METTL15: variants seen among roughly 807,000 people sequenced by gnomAD.
METTL15 encodes methyltransferase 15, mitochondrial 12S rRNA N4-cytidine.
Under a neutral mutation model 38.3 loss-of-function variants are expected in METTL15, and 34 were observed. The observed-to-expected ratio is 0.89, with a 90% CI of 0.68 to 1.18. The LOEUF (loss-of-function observed/expected upper bound fraction) is 1.18. Ranked by LOEUF, METTL15 falls within the 50% of genes most tolerant of loss-of-function variation. The pLI is 0.00. For missense variants in METTL15, 438 were observed against 498.4 expected (o/e 0.88, Z 1.15); for synonymous variants, 162 against 170.9 (o/e 0.95, Z 0.41).
At chr11:28,317,574 C>T (rs1452106658) in intron 6 of METTL15, among the ~76,000 whole-genome samples, 1 of 152,158 alleles carries the variant, frequency 6.6e-6, no homozygotes, top group Non-Finnish European at 1.5e-5. Context: ...TACATTTAAA[C>T]ACGTGAATGT....
At chr11:28,374,181 G>A (rs1850279649) in intron 5 of METTL15, among the ~76,000 whole-genome samples, 2 of 152,116 alleles carry the variant, frequency 1.3e-5, no homozygotes, top group South Asian at 4.1e-4. Context: ...ACTTAAAGTA[G>A]TTTTTTCCAA....
chr11:28,134,555 T>C (rs1849451599), intron 3 of METTL15: 1 of 398,286 alleles, frequency 2.5e-6, no homozygotes. Context: ...GCAACTGCTG[T>C]TGCGAAAAAG....
chr11:28,137,676 T>A (rs1428495257), intron 3 of METTL15, among the ~76,000 whole-genome samples: 1 of 152,214 alleles, frequency 6.6e-6, no homozygotes, highest in African/African-American at 2.4e-5. Flanking sequence ...CCAGCATAAT[T>A]CAGATCACAT....
intron 5 of METTL15, among the ~76,000 whole-genome samples, chr11:28,384,602 A>G (rs577112475): frequency 1.3e-5 from 2 of 152,002 alleles, no homozygotes; most frequent in Non-Finnish European, 2.9e-5. Flanking sequence ...GAGCCACCAC[A>G]CCCAGCCACA....
intron 4 of METTL15, among the ~76,000 whole-genome samples, chr11:28,226,916 G>T (rs973037687): frequency 1.3e-5 from 2 of 151,736 alleles, no homozygotes; most frequent in African/African-American, 4.8e-5. Context: ...ATATAAACAA[G>T]CATGAAAAAA....
chr11:28,314,154 C>T (rs1857400144), intron 6 of METTL15, among the ~76,000 whole-genome samples: 1 of 152,182 alleles, frequency 6.6e-6, no homozygotes, highest in Admixed American at 6.5e-5. Flanking sequence ...TTAATTCAGT[C>T]AGTCTGTTGG....
At chr11:28,484,636 A>G (rs1851423296) in intron 6 of METTL15, among the ~76,000 whole-genome samples, 2 of 152,046 alleles carry the variant, frequency 1.3e-5, no homozygotes, top group East Asian at 1.9e-4. Flanking sequence ...TCCTAGATCT[A>G]TCTCCCTTGG....
chr11:28,369,408 A>C (rs1850221083), intron 5 of METTL15, among the ~76,000 whole-genome samples: 1 of 152,072 alleles, frequency 6.6e-6, no homozygotes, highest in Admixed American at 6.6e-5. Context: ...AAACTTCCCA[A>C]ATATTCAAAT....
At chr11:28,359,939 C>T (rs1850122076) in intron 4 of METTL15, among the ~76,000 whole-genome samples, 1 of 152,104 alleles carries the variant, frequency 6.6e-6, no homozygotes, top group Non-Finnish European at 1.5e-5. Flanking sequence ...TGCTCTGATG[C>T]CTGTGTCCAT....
chr11:28,451,446 G>A (rs529667616), intron 6 of METTL15, among the ~76,000 whole-genome samples: 163 of 152,104 alleles, frequency 1.1e-3, no homozygotes, highest in Non-Finnish European at 1.9e-3. Context: ...TTAGCCAGGC[G>A]TGGTGGCGGG....
chr11:28,297,135 C>G (rs569386451), intron 6 of METTL15, among the ~76,000 whole-genome samples: 10 of 151,684 alleles, frequency 6.6e-5, no homozygotes, highest in African/African-American at 1.9e-4. Flanking sequence ...GCATGCTTCT[C>G]CCCCAAAAAA....
intron 6 of METTL15, among the ~76,000 whole-genome samples, chr11:28,298,240 T>C (rs1371522159): frequency 1.3e-5 from 2 of 152,126 alleles, no homozygotes; most frequent in Non-Finnish European, 2.9e-5. Flanking sequence ...CTCACTAACA[T>C]GTCTCCACCG....
intron 4 of METTL15, among the ~76,000 whole-genome samples, chr11:28,245,794 G>A (rs1220274202): frequency 2.6e-5 from 4 of 152,100 alleles, no homozygotes; most frequent in Admixed American, 1.3e-4. Context: ...GTGTCTTCAC[G>A]TGGCTGGCAG....
At chr11:28,323,134 A>G (rs929455047) in intron 6 of METTL15, among the ~76,000 whole-genome samples, 5 of 152,188 alleles carry the variant, frequency 3.3e-5, no homozygotes, top group African/African-American at 9.7e-5. Context: ...TAAAGAATTT[A>G]AAGAGTAGTG....
intron 3 of METTL15, among the ~76,000 whole-genome samples, chr11:28,349,969 C>T (rs1850027661): frequency 6.6e-6 from 1 of 152,164 alleles, no homozygotes; most frequent in Admixed American, 6.5e-5. Context: ...TCATGGATGT[C>T]TTGCAGAGTT....
intron 4 of METTL15, among the ~76,000 whole-genome samples, chr11:28,243,108 A>C (rs532476024): frequency 6.6e-6 from 1 of 152,184 alleles, no homozygotes; most frequent in African/African-American, 2.4e-5. Flanking sequence ...TGTGGAAGTA[A>C]AAATAGTATG....
chr11:28,382,389 GGC>G (rs1238007762), intron 5 of METTL15, among the ~76,000 whole-genome samples: 1 of 152,158 alleles, frequency 6.6e-6, no homozygotes, highest in Non-Finnish European at 1.5e-5. Context: ...CTGTAGGTGA[GGC>G]GAGGCAGGTA....
chr11:28,158,733 TAAG>T (rs2133736603), intron 3 of METTL15, among the ~76,000 whole-genome samples: 1 of 152,314 alleles, frequency 6.6e-6, no homozygotes, highest in South Asian at 2.1e-4. Context: ...CTTTATGGCT[TAAG>T]AAGTGCAGCA....
chr11:28,266,102 C>T (rs1855405679), intron 4 of METTL15, among the ~76,000 whole-genome samples: 1 of 152,170 alleles, frequency 6.6e-6, no homozygotes, highest in Non-Finnish European at 1.5e-5. Context: ...CACTTTTACA[C>T]TGTTGGTGGG....
Sources: allele counts gnomAD v4.1 joint callset (sites outside exome capture counted in the v4.1 genomes callset), GRCh38; gene constraint gnomAD v4.1.1; transcripts MANE v1.5; gene names NCBI Gene and HGNC (gene_info 2026-07-23, HGNC 2026-07-21).